CTNNA2: variants seen among roughly 807,000 people sequenced by gnomAD.
CTNNA2 encodes catenin alpha-2.
Under a neutral mutation model 101.0 loss-of-function variants are expected in CTNNA2, and 42 were observed. The observed-to-expected ratio is 0.42, with a 90% CI of 0.32 to 0.54. CTNNA2 has a LOEUF of 0.54. Among genes scored for constraint, CTNNA2 ranks in the 20% least tolerant of loss-of-function variants. The pLI is 0.14. For missense variants in CTNNA2, 871 were observed against 1,223.1 expected, an observed-to-expected ratio of 0.71 and a Z score of 4.29; for synonymous variants, 450 against 456.4, an observed-to-expected ratio of 0.99 and a Z score of 0.18.
intron 15 of CTNNA2, chr2:80,601,793 T>G (rs901510420): frequency 2.6e-5 from 4 of 152,096 alleles, no homozygotes; most frequent in African/African-American, 9.7e-5. Flanking sequence ...TTTTATTAGT[T>G]TTTTTCCAAC....
At chr2:79,883,887 C>T (rs1157328049) in intron 6 of CTNNA2, among the ~76,000 whole-genome samples, 1 of 151,962 alleles carries the variant, frequency 6.6e-6, no homozygotes, top group African/African-American at 2.4e-5. Context: ...AGGTATTACA[C>T]CAAGAATCAG....
At chr2:79,734,605 A>G (rs1216517062) in intron 2 of CTNNA2, among the ~76,000 whole-genome samples, 1 of 152,136 alleles carries the variant, frequency 6.6e-6, no homozygotes, top group Non-Finnish European at 1.5e-5. Context: ...AAGTGCAGAA[A>G]GATTAAAACA....
intron 3 of CTNNA2, among the ~76,000 whole-genome samples, chr2:79,358,636 C>G (rs1677561351): frequency 6.6e-6 from 1 of 152,170 alleles, no homozygotes; most frequent in Admixed American, 6.5e-5. Context: ...AGCAGCTAAG[C>G]AGAGGCTTTG....
chr2:79,967,441 A>G (rs1690153977), intron 7 of CTNNA2, among the ~76,000 whole-genome samples: 1 of 152,098 alleles, frequency 6.6e-6, no homozygotes. Context: ...TCCTCAACTA[A>G]TGCAAGGGAT....
intron 2 of CTNNA2, among the ~76,000 whole-genome samples, chr2:79,213,264 T>C (rs1435230536): frequency 6.6e-6 from 1 of 152,214 alleles, no homozygotes; most frequent in African/African-American, 2.4e-5. Context: ...TCGACGGCCT[T>C]TGCAGTGAAT....
At position 79,435,847 on chromosome 2, in the gene CTNNA2, G is replaced by A. The variant is rs115043180; in HGVS notation, c.-135+61834G>A. Among the ~76,000 whole-genome samples the A allele has an allele frequency of 3.6e-3, 548 of 152,238 alleles. 3 individuals carry two copies. Among genetic ancestry groups the A allele is most frequent in the African/African-American group, 0.012 (518 of 41,532 alleles). On this transcript the variant is annotated intron_variant, in intron 4 of 21. Coordinates refer to the CTNNA2 transcript ENST00000466387. ...TGCTAGCCTCATCCGAGTGAACTGA[G>A]AACATAATCACTAATGCTCATTTCA...
At chr2:79,924,919 G>T (rs1229171939) in intron 7 of CTNNA2, among the ~76,000 whole-genome samples, 2 of 152,048 alleles carry the variant, frequency 1.3e-5, no homozygotes, top group East Asian at 3.9e-4. Flanking sequence ...TAGAAATCGG[G>T]CATTTATCAC....
At chr2:79,951,289 A>G (rs1485209544) in intron 7 of CTNNA2, among the ~76,000 whole-genome samples, 1 of 152,196 alleles carries the variant, frequency 6.6e-6, no homozygotes, top group African/African-American at 2.4e-5. Context: ...ACCCCGCCCA[A>G]AGATAAAGTG....
At chr2:80,488,312 T>G (rs1457747035) in intron 9 of CTNNA2, among the ~76,000 whole-genome samples, 1 of 152,150 alleles carries the variant, frequency 6.6e-6, no homozygotes, top group Non-Finnish European at 1.5e-5. Context: ...GTTATATTTA[T>G]TTTTGTTTTT....
At chr2:79,650,940 T>A (rs1437571591) in intron 1 of CTNNA2, among the ~76,000 whole-genome samples, 1 of 151,912 alleles carries the variant, frequency 6.6e-6, no homozygotes, top group Non-Finnish European at 1.5e-5. Flanking sequence ...TCCAATTTCA[T>A]CCATGTCCCT....
intron 2 of CTNNA2, among the ~76,000 whole-genome samples, chr2:79,261,632 G>T (rs995746120): frequency 1.3e-5 from 2 of 152,220 alleles, no homozygotes; most frequent in African/African-American, 4.8e-5. Flanking sequence ...TGCACACAGA[G>T]AGGGCAAGGA....
At chr2:79,328,950 C>T (rs935065045) in intron 3 of CTNNA2, among the ~76,000 whole-genome samples, 3 of 152,162 alleles carry the variant, frequency 2.0e-5, no homozygotes, top group African/African-American at 7.2e-5. Flanking sequence ...TAATTTTAAT[C>T]TCTGCCTCTG....
chr2:79,537,474 G>T (rs991689728), intron 1 of CTNNA2, among the ~76,000 whole-genome samples: 1 of 152,028 alleles, frequency 6.6e-6, no homozygotes, highest in Non-Finnish European at 1.5e-5. Flanking sequence ...TCATTTTTCT[G>T]CATTTTCCAG....
intron 7 of CTNNA2, among the ~76,000 whole-genome samples, chr2:80,094,921 TC>T (rs1435620891): frequency 6.6e-6 from 1 of 152,226 alleles, no homozygotes; most frequent in African/African-American, 2.4e-5. Context: ...AATGGGGTTT[TC>T]TAGATATACA....
chr2:79,728,081 G>T (rs1239295391), intron 2 of CTNNA2, among the ~76,000 whole-genome samples: 2 of 152,062 alleles, frequency 1.3e-5, no homozygotes, highest in Non-Finnish European at 2.9e-5. Context: ...GTAATCCTTT[G>T]GGTATATACC....
chr2:79,733,070 G>A (rs892390565), intron 2 of CTNNA2, among the ~76,000 whole-genome samples: 3 of 152,046 alleles, frequency 2.0e-5, no homozygotes, highest in South Asian at 2.1e-4. Context: ...AAAAAGAAGC[G>A]GGTTCGCTGG....
At chr2:80,564,124 T>C (rs1265334942) in intron 12 of CTNNA2, among the ~76,000 whole-genome samples, 1 of 152,202 alleles carries the variant, frequency 6.6e-6, no homozygotes, top group African/African-American at 2.4e-5. Context: ...GCATACTTAA[T>C]GATCAAGATA....
rs181333840 is a variant in CTNNA2, at chr2:79,681,069, T to C, written c.102+29411T>C. Among the ~76,000 whole-genome samples the C allele has an allele frequency of 1.3e-4, 20 of 152,278 alleles. No homozygotes were observed. In the East Asian group the frequency reaches 1.7e-3, roughly 13 times the overall value. On this transcript the variant is annotated intron_variant, in intron 2 of 18. Transcript: ENST00000402739. ...ACTCAGGAGGCTGAGGTGGAAGGCT[T>C]AGTTGAGCCTCGGAGATTGAGGCTG...
chr2:79,995,688 C>A (rs1692490471), intron 7 of CTNNA2, among the ~76,000 whole-genome samples: 1 of 152,004 alleles, frequency 6.6e-6, no homozygotes, highest in African/African-American at 2.4e-5. Flanking sequence ...GTGGTGCATC[C>A]CTGTGGTCCC....
Sources: allele counts gnomAD v4.1 joint callset (sites outside exome capture counted in the v4.1 genomes callset), GRCh38; gene constraint gnomAD v4.1.1; transcripts MANE v1.5; gene names NCBI Gene and HGNC (gene_info 2026-07-23, HGNC 2026-07-21).